PPP3CA: variants seen among roughly 807,000 people sequenced by gnomAD.
PPP3CA encodes the protein CAM-PRP catalytic subunit.
Under a neutral mutation model 66.5 loss-of-function variants are expected in PPP3CA, and 14 were observed. The ratio of observed to expected loss-of-function variants is 0.21; its 90% CI spans 0.14 to 0.33. The LOEUF is 0.33. Among genes scored for constraint, PPP3CA ranks in the 10% least tolerant of loss-of-function variants. The pLI, the probability that PPP3CA is intolerant of heterozygous loss-of-function variation, is 1.00. For synonymous variants in PPP3CA, 232 were observed against 226.2 expected (o/e 1.03, Z -0.23); for missense variants, 317 against 639.5 (o/e 0.50, Z 5.44).
chr4:101,343,797 T>C (rs1729895449), intron 1 of PPP3CA, among the ~76,000 whole-genome samples: 1 of 152,190 alleles, frequency 6.6e-6, no homozygotes, highest in Non-Finnish European at 1.5e-5. Context: ...AATAACATAG[T>C]TGAGACAGAC....
chr4:101,190,750 T>G (rs958206419), intron 2 of PPP3CA, among the ~76,000 whole-genome samples: 1 of 152,096 alleles, frequency 6.6e-6, no homozygotes, highest in Non-Finnish European at 1.5e-5. Context: ...ACACATAAAC[T>G]CTATGTCCCA....
At chr4:101,215,001 A>G (rs746153498) in intron 1 of PPP3CA, among the ~76,000 whole-genome samples, 15 of 151,970 alleles carry the variant, frequency 9.9e-5, no homozygotes, top group Non-Finnish European at 2.1e-4. Flanking sequence ...ATAATCAAAC[A>G]TTTTCATCCT....
At chr4:101,134,290 A>T (rs1722544168) in intron 2 of PPP3CA, among the ~76,000 whole-genome samples, 1 of 152,248 alleles carries the variant, frequency 6.6e-6, no homozygotes, top group Admixed American at 6.5e-5. Context: ...AACTATCATC[A>T]GAATGAACAG....
intron 1 of PPP3CA, among the ~76,000 whole-genome samples, chr4:101,345,527 C>A (rs567490568): frequency 3.3e-5 from 5 of 152,194 alleles, no homozygotes; most frequent in Non-Finnish European, 5.9e-5. Context: ...GCCCGCTCCC[C>A]GCACAGCTCA....
chr4:101,161,155 A>G (rs1723494702), intron 2 of PPP3CA, among the ~76,000 whole-genome samples: 1 of 152,122 alleles, frequency 6.6e-6, no homozygotes. Flanking sequence ...TTTGTAGCCG[A>G]GAAGCAATAG....
chr4:101,253,501 C>T, intron 1 of PPP3CA, among the ~76,000 whole-genome samples: 1 of 152,098 alleles, frequency 6.6e-6, no homozygotes, highest in East Asian at 1.9e-4. Context: ...ATTTGTGATA[C>T]ATAAAATCTA....
chr4:101,113,908 C>T (rs1721757691), intron 2 of PPP3CA, among the ~76,000 whole-genome samples: 2 of 152,128 alleles, frequency 1.3e-5, no homozygotes, highest in South Asian at 4.1e-4. Context: ...CCCAAATCCT[C>T]AGGAGGCTAG....
intron 1 of PPP3CA, among the ~76,000 whole-genome samples, chr4:101,230,508 G>A (rs1337103384): frequency 6.6e-6 from 1 of 151,586 alleles, no homozygotes; most frequent in Non-Finnish European, 1.5e-5. Context: ...GACAGAGAGA[G>A]AGACCCGTTT....
intron 1 of PPP3CA, among the ~76,000 whole-genome samples, chr4:101,309,479 G>A (rs181297245): frequency 5.3e-5 from 8 of 152,128 alleles, no homozygotes; most frequent in Non-Finnish European, 7.3e-5. Flanking sequence ...AAAGCAAAGC[G>A]GGTGGGGGGT....
intron 1 of PPP3CA, among the ~76,000 whole-genome samples, chr4:101,344,166 C>T (rs188275246): frequency 8.7e-4 from 132 of 152,206 alleles, no homozygotes; most frequent in Non-Finnish European, 1.5e-3. Flanking sequence ...ATAATGGTTT[C>T]TAAACTCCAT....
At chr4:101,325,236 T>C (rs1729173886) in intron 1 of PPP3CA, among the ~76,000 whole-genome samples, 1 of 152,214 alleles carries the variant, frequency 6.6e-6, no homozygotes, top group African/African-American at 2.4e-5. Flanking sequence ...TCTCAAACTT[T>C]AATATACATA....
At chr4:101,102,691 T>C (rs1238719221) in intron 3 of PPP3CA, among the ~76,000 whole-genome samples, 1 of 152,106 alleles carries the variant, frequency 6.6e-6, no homozygotes, top group African/African-American at 2.4e-5. Context: ...CCTGATAGTT[T>C]TTTAAAAAAG....
chr4:101,065,018 T>C (rs1411058024), intron 8 of PPP3CA, among the ~76,000 whole-genome samples: 1 of 151,996 alleles, frequency 6.6e-6, no homozygotes, highest in Non-Finnish European at 1.5e-5. Context: ...ACAAGAAATG[T>C]AGATAGTGTA....
At chr4:101,096,643 C>A (rs1730208238) in intron 5 of PPP3CA, among the ~76,000 whole-genome samples, 1 of 152,132 alleles carries the variant, frequency 6.6e-6, no homozygotes, top group Non-Finnish European at 1.5e-5. Flanking sequence ...GAAATTTGAT[C>A]AAGGCAAGAG....
chr4:101,257,758 CCAA>C (rs1344309263), intron 1 of PPP3CA, among the ~76,000 whole-genome samples: 3 of 151,870 alleles, frequency 2.0e-5, no homozygotes, highest in Non-Finnish European at 4.4e-5. Context: ...TATTTTTAGC[CCAA>C]CAACATTAGT....
chr4:101,242,313 T>A (rs1304206727), intron 1 of PPP3CA, among the ~76,000 whole-genome samples: 1 of 152,140 alleles, frequency 6.6e-6, no homozygotes, highest in Non-Finnish European at 1.5e-5. Flanking sequence ...CAGTTATTTT[T>A]AAAATCTAAT....
At chr4:101,271,546 A>G (rs1256930186) in intron 1 of PPP3CA, among the ~76,000 whole-genome samples, 2 of 152,176 alleles carry the variant, frequency 1.3e-5, no homozygotes, top group African/African-American at 4.8e-5. Context: ...AACACAAATA[A>G]AAAAGCATAA....
intron 8 of PPP3CA, among the ~76,000 whole-genome samples, chr4:101,074,333 GGCTTGTGAACCACA>G (rs1192567080): frequency 0.024 from 3,659 of 152,224 alleles, 153 homozygotes; most frequent in African/African-American, 0.082. Context: ...TTCTGAATTT[GGCTTGTGAACCACA>G]GGGGTAGCAG....
chr4:101,031,331 T>C (rs1726946819), intron 12 of PPP3CA, among the ~76,000 whole-genome samples: 1 of 152,118 alleles, frequency 6.6e-6, no homozygotes, highest in Non-Finnish European at 1.5e-5. Flanking sequence ...TTTTGAAAAA[T>C]GTTATAGCAT....
Sources: allele counts gnomAD v4.1 joint callset (sites outside exome capture counted in the v4.1 genomes callset), GRCh38; gene constraint gnomAD v4.1.1; transcripts MANE v1.5; gene names NCBI Gene and HGNC (gene_info 2026-07-23, HGNC 2026-07-21).